Variants in VWA3B observed in about 807,000 individuals in gnomAD.
VWA3B encodes the protein von Willebrand factor A domain containing 3B.
A neutral mutation model predicts 158.3 loss-of-function variants in VWA3B; 138 were observed. The observed-to-expected ratio is 0.87, with a 90% CI of 0.76 to 1.00. VWA3B has a LOEUF of 1.00. Ranked by LOEUF, VWA3B falls within the 50% of genes least tolerant of loss-of-function variation. The pLI is 0.00. For missense variants in VWA3B, 1,555 were observed against 1,565.1 expected (o/e 0.99, Z 0.11); for synonymous variants, 596 against 587.3 (o/e 1.01, Z -0.21).
intron 17 of VWA3B, among the ~76,000 whole-genome samples, chr2:98,236,031 T>C (rs1343914615): frequency 6.6e-6 from 1 of 152,238 alleles, no homozygotes; most frequent in Non-Finnish European, 1.5e-5. Flanking sequence ...AATTAAAATG[T>C]TGATCAAGGC....
At chr2:98,173,971 G>GAA (rs11434978) in intron 8 of VWA3B, among the ~76,000 whole-genome samples, 4 of 147,646 alleles carry the variant, frequency 2.7e-5, no homozygotes, top group South Asian at 2.1e-4. Flanking sequence ...TGTCTCAAAA[G>GAA]AAAAAAAAAA....
intron 2 of VWA3B, among the ~76,000 whole-genome samples, chr2:98,105,605 G>T (rs1673580207): frequency 6.6e-6 from 1 of 151,726 alleles, no homozygotes; most frequent in Non-Finnish European, 1.5e-5. Flanking sequence ...ACGTTTTTTT[G>T]TAATCCCAGC....
chr2:98,160,394 G>A (rs548134446), intron 7 of VWA3B, among the ~76,000 whole-genome samples: 35 of 152,114 alleles, frequency 2.3e-4, no homozygotes, highest in Admixed American at 1.8e-3. Context: ...TCTGATCACC[G>A]ACATAGCAGT....
intron 2 of VWA3B, among the ~76,000 whole-genome samples, chr2:98,094,585 C>T (rs1014138856): frequency 6.6e-6 from 1 of 152,028 alleles, no homozygotes; most frequent in African/African-American, 2.4e-5. Context: ...TCTCTTTACT[C>T]TGTTGATTTT....
At chr2:98,278,885 G>A (rs986776193) in intron 22 of VWA3B, among the ~76,000 whole-genome samples, 3 of 152,180 alleles carry the variant, frequency 2.0e-5, no homozygotes, top group African/African-American at 7.2e-5. Flanking sequence ...CCTGCCTCCT[G>A]TCCATATCAG....
At chr2:98,152,939 G>T (rs1677752596) in intron 7 of VWA3B, among the ~76,000 whole-genome samples, 10 of 152,206 alleles carry the variant, frequency 6.6e-5, no homozygotes, top group Admixed American at 6.5e-4. Flanking sequence ...CAACTTTAAG[G>T]TGGTTTCATG....
chr2:98,166,065 G>A (rs536457552), intron 8 of VWA3B, among the ~76,000 whole-genome samples: 4 of 152,236 alleles, frequency 2.6e-5, no homozygotes, highest in African/African-American at 9.6e-5. Context: ...GACCAGGTAT[G>A]GTGGCTCACG....
intron 3 of VWA3B, among the ~76,000 whole-genome samples, chr2:98,118,990 G>A (rs1240629688): frequency 1.3e-5 from 2 of 152,192 alleles, no homozygotes; most frequent in Non-Finnish European, 2.9e-5. Context: ...GGTGGTCCAG[G>A]TGCAGGAGAG....
At chr2:98,196,373 CAT>C (rs1216582910) in intron 12 of VWA3B, among the ~76,000 whole-genome samples, 15 of 152,130 alleles carry the variant, frequency 9.9e-5, no homozygotes, top group Admixed American at 9.2e-4. Flanking sequence ...CATTGTATAC[CAT>C]ATATACAATT....
intron 8 of VWA3B, among the ~76,000 whole-genome samples, chr2:98,163,994 C>G (rs909468982): frequency 3.3e-5 from 5 of 152,184 alleles, no homozygotes; most frequent in Non-Finnish European, 7.3e-5. Context: ...CAAGGGGAGA[C>G]TGTCGAGTTG....
At chr2:98,152,072 G>T (rs1231451336) in intron 7 of VWA3B, among the ~76,000 whole-genome samples, 1 of 152,170 alleles carries the variant, frequency 6.6e-6, no homozygotes, top group Non-Finnish European at 1.5e-5. Context: ...GTTCTTATGG[G>T]AAATGAGTCC....
intron 23 of VWA3B, chr2:98,291,268 A>G (rs1018970493): frequency 6.6e-6 from 1 of 152,370 alleles, no homozygotes; most frequent in African/African-American, 2.4e-5. Flanking sequence ...TGAGACTGGG[A>G]TAGCTGGGCC....
intron 8 of VWA3B, among the ~76,000 whole-genome samples, chr2:98,172,129 G>C (rs968136343): frequency 6.6e-6 from 1 of 152,240 alleles, no homozygotes; most frequent in Non-Finnish European, 1.5e-5. Flanking sequence ...TTGTCGCAAG[G>C]ACAGAGGCTT....
intron 21 of VWA3B, among the ~76,000 whole-genome samples, chr2:98,267,424 T>C (rs1467747575): frequency 6.6e-6 from 1 of 152,050 alleles, no homozygotes; most frequent in Non-Finnish European, 1.5e-5. Flanking sequence ...CTGAACAACC[T>C]GCTCCCGAAT....
chr2:98,215,557 G>T (rs1255457634), intron 13 of VWA3B, among the ~76,000 whole-genome samples: 2 of 150,858 alleles, frequency 1.3e-5, no homozygotes, highest in African/African-American at 4.9e-5. Context: ...TGGCTCTGTC[G>T]CCCAGGCTAG....
chr2:98,234,307 G>A (rs548886977), intron 16 of VWA3B, among the ~76,000 whole-genome samples: 7 of 152,352 alleles, frequency 4.6e-5, no homozygotes, highest in Admixed American at 1.3e-4. Context: ...TGGAAGAGTC[G>A]TGTGAGAAGT....
chr2:98,237,855 T>C (rs1448171687), intron 19 of VWA3B, among the ~76,000 whole-genome samples: 2 of 152,154 alleles, frequency 1.3e-5, no homozygotes, highest in African/African-American at 2.4e-5. Flanking sequence ...GTTTGCTTTA[T>C]TGTAATTGGG....
intron 9 of VWA3B, among the ~76,000 whole-genome samples, chr2:98,183,521 A>G (rs561339031): frequency 1.6e-3 from 238 of 152,318 alleles, no homozygotes; most frequent in Non-Finnish European, 2.6e-3. Context: ...TGCATTTCTA[A>G]TAAGGGAATT....
chr2:98,102,542 C>G (rs1215827990), intron 2 of VWA3B, among the ~76,000 whole-genome samples: 1 of 152,144 alleles, frequency 6.6e-6, no homozygotes, highest in Non-Finnish European at 1.5e-5. Context: ...GGCAGAGGCG[C>G]TCCTCACTTC....
Sources: gnomAD v4.1 joint callset for allele counts (sites outside exome capture counted in the v4.1 genomes callset) on GRCh38, gnomAD v4.1.1 for gene constraint, MANE v1.5 for transcripts, NCBI Gene and HGNC (gene_info 2026-07-23, HGNC 2026-07-21) for gene names.